ZFHX3: variants seen among roughly 807,000 people sequenced by gnomAD.
ZFHX3 encodes the protein zinc finger homeobox protein 3.
Under a neutral mutation model 279.1 loss-of-function variants are expected in ZFHX3, and 42 were observed. That is an observed-to-expected ratio of 0.15 (90% CI 0.12 to 0.19). The LOEUF is 0.19. Among genes scored for constraint, ZFHX3 ranks in the 10% least tolerant of loss-of-function variants. ZFHX3 has a pLI of 1.00. For synonymous variants in ZFHX3, 2,293 were observed against 1,957.8 expected (o/e 1.17, Z -4.52); for missense variants, 4,981 against 4,754.0 (o/e 1.05, Z -1.40).
chr16:73,431,310 C>T lies in ZFHX3; in HGVS notation c.-1291+24693G>A, dbSNP rs999289953. Among the ~76,000 whole-genome samples, 39 of 151,826 alleles carry T rather than the reference C, an allele frequency of 2.6e-4. 1 individual carries two copies. The highest frequency in any genetic ancestry group is 1.7e-3 in the Admixed American group (26 of 15,236). ...ATCCCAGCATTTTGGGAGGCTGAGG[C>T]GGGCGGATCACCTGAGGTTGGGAGT... is the stretch of plus-strand genomic sequence containing the variant. On this transcript the variant is annotated intron_variant, in intron 3 of 17. Transcript: ENST00000641206.
intron 3 of ZFHX3, among the ~76,000 whole-genome samples, chr16:73,380,111 A>G (rs2016794103): frequency 6.6e-6 from 1 of 152,252 alleles, no homozygotes; most frequent in Admixed American, 6.5e-5. Flanking sequence ...AATGAAATTT[A>G]AGGTTGAAGG....
chr16:73,252,513 G>A (rs147565029), intron 5 of ZFHX3, among the ~76,000 whole-genome samples: 20 of 152,284 alleles, frequency 1.3e-4, no homozygotes, highest in African/African-American at 4.6e-4. Context: ...AAGGGAATAT[G>A]GGGGCGGAAG....
intron 2 of ZFHX3, among the ~76,000 whole-genome samples, chr16:73,511,646 C>T (rs188794647): frequency 9.1e-4 from 138 of 152,258 alleles, no homozygotes; most frequent in Admixed American, 1.8e-3. Context: ...ACCAGGGGCT[C>T]TCTAGGGCAG....
intron 2 of ZFHX3, among the ~76,000 whole-genome samples, chr16:73,620,872 G>A (rs1258175839): frequency 6.6e-6 from 1 of 152,158 alleles, no homozygotes; most frequent in African/African-American, 2.4e-5. Context: ...AAGAGAAAAG[G>A]ACCAGATCTT....
At chr16:73,731,392 G>A (rs967082434) in intron 1 of ZFHX3, among the ~76,000 whole-genome samples, 1 of 152,008 alleles carries the variant, frequency 6.6e-6, no homozygotes, top group African/African-American at 2.4e-5. Context: ...GGGGAGGGGC[G>A]TGGAGGTAGG....
At chr16:73,354,166 A>G (rs946664024) in intron 3 of ZFHX3, among the ~76,000 whole-genome samples, 5 of 152,200 alleles carry the variant, frequency 3.3e-5, no homozygotes, top group African/African-American at 1.2e-4. Context: ...CACTAAAACT[A>G]AAAATCATTT....
intron 1 of ZFHX3, among the ~76,000 whole-genome samples, chr16:73,725,941 T>C (rs2142242974): frequency 6.6e-6 from 1 of 152,288 alleles, no homozygotes; most frequent in African/African-American, 2.4e-5. Flanking sequence ...TTAAACCATT[T>C]AATTTTTGTC....
At chr16:73,287,508 G>C (rs2014650108) in intron 4 of ZFHX3, among the ~76,000 whole-genome samples, 1 of 146,690 alleles carries the variant, frequency 6.8e-6, no homozygotes. Flanking sequence ...GGCTATGTGG[G>C]GTGATGTGTG....
intron 4 of ZFHX3, among the ~76,000 whole-genome samples, chr16:73,291,605 T>C (rs566824642): frequency 6.6e-6 from 1 of 152,322 alleles, no homozygotes; most frequent in African/African-American, 2.4e-5. Flanking sequence ...GCATCTGTTC[T>C]CTCGCCTCTC....
intron 1 of ZFHX3, among the ~76,000 whole-genome samples, chr16:73,745,818 G>A (rs1296250091): frequency 6.6e-6 from 1 of 152,112 alleles, no homozygotes; most frequent in Non-Finnish European, 1.5e-5. Flanking sequence ...CTGGTGTCCT[G>A]ACAATTCAGG....
intron 1 of ZFHX3, among the ~76,000 whole-genome samples, chr16:72,975,629 C>T (rs986045916): frequency 6.6e-6 from 1 of 152,166 alleles, no homozygotes; most frequent in African/African-American, 2.4e-5. Context: ...TACCACTGGC[C>T]ACTTCAAAGA....
chr16:73,243,744 T>TTGTGTGTG (rs34895940), intron 5 of ZFHX3, among the ~76,000 whole-genome samples: 3 of 149,908 alleles, frequency 2.0e-5, no homozygotes, highest in African/African-American at 7.3e-5. Context: ...CCAACACGTT[T>TTGTGTGTG]TGTGTGTGTG....
At chr16:72,856,361 C>G (rs554796452) in intron 4 of ZFHX3, among the ~76,000 whole-genome samples, 2 of 152,318 alleles carry the variant, frequency 1.3e-5, no homozygotes, top group South Asian at 4.1e-4. Flanking sequence ...AAGTGTCATG[C>G]AAGACCTGGG....
chr16:73,405,590 TTG>T (rs1691440483), intron 3 of ZFHX3, among the ~76,000 whole-genome samples: 1 of 134,218 alleles, frequency 7.5e-6, no homozygotes, highest in Admixed American at 7.7e-5. Context: ...TTTTTGTTTT[TTG>T]TTTTTTTTTT....
intron 2 of ZFHX3, among the ~76,000 whole-genome samples, chr16:73,563,171 TGTGTGTG>T (rs1213135196): frequency 5.5e-3 from 14 of 2,556 alleles, no homozygotes; most frequent in Admixed American, 8.7e-3. Flanking sequence ...TTTGTTTTGT[TGTGTGTG>T]TGTGTGTGTG....
chr16:73,019,732 C>T (rs1035570120), intron 1 of ZFHX3, among the ~76,000 whole-genome samples: 2 of 152,160 alleles, frequency 1.3e-5, no homozygotes, highest in African/African-American at 2.4e-5. Context: ...GAGCCTTCTC[C>T]GCTCTCTCAC....
intron 3 of ZFHX3, among the ~76,000 whole-genome samples, chr16:73,417,386 T>TTTTTC (rs1419102301): frequency 3.7e-5 from 5 of 135,572 alleles, no homozygotes; most frequent in Non-Finnish European, 1.5e-5. Flanking sequence ...GAAAAGGAAT[T>TTTTTC]TTTTCTTTTC....
chr16:73,601,032 G>C (rs1234613736), intron 2 of ZFHX3, among the ~76,000 whole-genome samples: 1 of 151,374 alleles, frequency 6.6e-6, no homozygotes, highest in African/African-American at 2.4e-5. Context: ...AAAAAATGTT[G>C]AGTGTTTTAT....
chr16:73,384,186 G>A (rs1227647146), intron 3 of ZFHX3, among the ~76,000 whole-genome samples: 2 of 152,152 alleles, frequency 1.3e-5, no homozygotes. Flanking sequence ...CCTGCACCCT[G>A]TTTTTATAAA....
Sources: gnomAD v4.1 joint callset for allele counts (sites outside exome capture counted in the v4.1 genomes callset) on GRCh38, gnomAD v4.1.1 for gene constraint, MANE v1.5 for transcripts, NCBI Gene and HGNC (gene_info 2026-07-23, HGNC 2026-07-21) for gene names.